MYCBP2: variants seen among roughly 807,000 people sequenced by gnomAD.
MYCBP2 encodes MYC binding protein 2.
In MYCBP2, 120 loss-of-function variants were observed where a neutral mutation model predicts 525.3. The ratio of observed to expected loss-of-function variants is 0.23; its 90% CI spans 0.20 to 0.27. The LOEUF (loss-of-function observed/expected upper bound fraction) is 0.27. Among genes scored for constraint, MYCBP2 ranks in the 10% least tolerant of loss-of-function variants. The pLI is 1.00. For missense variants in MYCBP2, 4,149 were observed against 5,657.1 expected (o/e 0.73, Z 8.55); for synonymous variants, 1,894 against 1,955.8 (o/e 0.97, Z 0.83).
chr13:77,232,041 A>C (rs1445972939), intron 18 of MYCBP2, among the ~76,000 whole-genome samples: 1 of 152,208 alleles, frequency 6.6e-6, no homozygotes, highest in Non-Finnish European at 1.5e-5. Context: ...TCTGCAGAGT[A>C]TATCTTAAGT....
At chr13:77,230,156 A>G (rs2066929278) in intron 18 of MYCBP2, among the ~76,000 whole-genome samples, 1 of 152,090 alleles carries the variant, frequency 6.6e-6, no homozygotes, top group South Asian at 2.1e-4. Context: ...CCTTCTCTGA[A>G]TTTTCTCCAA....
At chr13:77,052,039 C>T in intron 80 of MYCBP2, 121 bp from the exon 81 acceptor site, 1 of 718,414 alleles carries the variant, frequency 1.4e-6, no homozygotes, top group South Asian at 1.9e-5. Context: ...ATCTACTAGA[C>T]CATCCCTTGA....
Position 77,097,741 on chromosome 13 carries a change from G to A in MYCBP2, c.9413C>T (p.Thr3138Ile), listed in dbSNP as rs1330553538. ...CATGGACATTTCAAAAGTGGTCTCG[G>A]TTTTCCCATCCTCACATTTTTCATG... ...PLHEKCEDGK[T>I]ETTFEMSMHN... is the part of the protein sequence containing the mutation. The change falls in exon 56 of 83, where the codon ACC becomes ATC. Residue 3138 changes from threonine (T) to isoleucine (I), a missense_variant. Thr to Ile is a moderately conservative substitution (Grantham distance 89). Coordinates refer to ENST00000544440, the MANE Select transcript of MYCBP2 (RefSeq NM_015057.5). 6.2e-7 allele frequency: 1 copy of A among 1,613,542 alleles called. No homozygotes were observed. The highest frequency in any genetic ancestry group is 2.2e-5 in the East Asian group (1 of 44,844).
intron 52 of MYCBP2, among the ~76,000 whole-genome samples, chr13:77,127,751 A>T (rs1181665385): frequency 6.6e-6 from 1 of 151,926 alleles, no homozygotes; most frequent in Non-Finnish European, 1.5e-5. Context: ...ACAGTAGAAT[A>T]TTAAAAATAG....
chr13:77,278,782 G>T lies in MYCBP2; in HGVS notation c.724C>A (p.Gln242Lys). 3.8e-6 allele frequency: 6 copies of T among 1,571,446 alleles called. No individual in the cohort carries two copies. The highest frequency in any genetic ancestry group is 5.2e-6 in the Non-Finnish European group (6 of 1,161,472). Residue 242 changes from glutamine (Q) to lysine (K), a missense_variant, in exon 4 of 83, where the codon CAG becomes AAG. Gln to Lys is a moderately conservative substitution (Grantham distance 53, BLOSUM62 1). Around this residue, in one of 21 missense-constraint regions of MYCBP2, gnomAD observed 413 missense variants for 451.2 expected, o/e 0.92. Coordinates refer to ENST00000544440, the MANE Select transcript of MYCBP2 (RefSeq NM_015057.5). The part of the protein sequence containing the change: ...VLQGQQPEGL[Q>K]SEPPEVLESL... ...CCTAGGACCTCAGGTGGCTCAGACT[G>T]GAGGCCTTCTGGCTGCTGGCCCTGC...
intron 72 of MYCBP2, 30 bp downstream of exon 72, chr13:77,065,962 C>T (rs1483964434): frequency 6.4e-7 from 1 of 1,560,484 alleles, no homozygotes; most frequent in Admixed American, 1.8e-5. Context: ...TGCCGCACTT[C>T]ACTGCCAAAA....
chr13:77,098,539 T>C lies in MYCBP2; in HGVS notation c.8615A>G (p.Asp2872Gly). 2 of 1,613,576 alleles carry C rather than the reference T, an allele frequency of 1.2e-6. No homozygotes were observed. The highest frequency in any genetic ancestry group is 1.7e-6 in the Non-Finnish European group (2 of 1,179,766). The change falls in exon 56 of 83, where the codon GAC becomes GGC. Residue 2872 changes from aspartate (D) to glycine (G), a missense_variant. By Grantham distance (94) the Asp-to-Gly change is moderately conservative. This residue lies in a region of MYCBP2 where 653 missense variants were observed against 744.7 expected (regional missense o/e 0.88). Transcript: ENST00000544440. ...GGTATCTGGATCAAGTGTGTAAGAG[T>C]CTGATTTAGAACGTTCCCGAGGAGG... ...LDPPRERSKSDSYTLDPDTLR... is the reference protein window; with the variant it reads ...LDPPRERSKSGSYTLDPDTLR...
chr13:77,083,318 AC>A, intron 62 of MYCBP2, 126 bp from the exon 63 acceptor site: 1 of 785,304 alleles, frequency 1.3e-6, no homozygotes, highest in Non-Finnish European at 1.9e-6. Context: ...ACCAAATTGT[AC>A]CCAGAAAGAT....
chr13:77,139,535 T>C (rs574686505), intron 51 of MYCBP2, among the ~76,000 whole-genome samples, 199 bp from the exon 52 acceptor site: 1 of 152,288 alleles, frequency 6.6e-6, no homozygotes, highest in African/African-American at 2.4e-5. Flanking sequence ...GTAATTCATG[T>C]GGCAAGACTG....
intron 29 of MYCBP2, 34 bp from the exon 30 acceptor site, chr13:77,189,081 G>C (rs767739869): frequency 6.9e-7 from 1 of 1,452,100 alleles, no homozygotes; most frequent in South Asian, 1.3e-5. Flanking sequence ...AATTATGTTA[G>C]AAAGTCCAAT....
At position 77,206,677 on chromosome 13, in the gene MYCBP2, A is replaced by T. The variant is rs1410975665; in HGVS notation, c.3565T>A (p.Ser1189Thr). The change falls in exon 24 of 83, where the codon TCT (serine) becomes ACT (threonine). Residue 1189 changes from serine (S) to threonine (T), a missense_variant. Ser to Thr is a moderately conservative substitution (Grantham distance 58). Transcript: ENST00000544440. The part of the protein sequence containing the change: ...PTGSRALTTR[S>T]HAALHILGCL... The stretch of plus-strand genomic sequence containing the variant: ...CCTAAAATGTGCAAAGCTGCATGAG[A>T]TCGGGTAGTGAGGGCCCTTGATCCT... The T allele has an allele frequency of 6.2e-7, 1 of 1,605,618 alleles. No individual in the cohort carries two copies. Among genetic ancestry groups the T allele is most frequent in the African/African-American group, 1.3e-5 (1 of 74,734 alleles).
intron 1 of MYCBP2, among the ~76,000 whole-genome samples, chr13:77,320,141 G>A (rs2081415642): frequency 6.6e-6 from 1 of 152,192 alleles, no homozygotes; most frequent in African/African-American, 2.4e-5. Flanking sequence ...TCCCTACACT[G>A]TATAGATATT....
intron 15 of MYCBP2, 106 bp downstream of exon 15, chr13:77,251,045 C>T (rs1762391953): frequency 2.3e-6 from 2 of 877,214 alleles, no homozygotes; most frequent in Non-Finnish European, 3.4e-6. Flanking sequence ...GTGAAGATGC[C>T]ACTGGTCTTT....
chr13:77,317,131 T>C (rs1358295136), intron 1 of MYCBP2, among the ~76,000 whole-genome samples: 1 of 152,134 alleles, frequency 6.6e-6, no homozygotes, highest in Non-Finnish European at 1.5e-5. Flanking sequence ...TTTGTATTTG[T>C]AGTACAAACA....
At chr13:77,250,092 G>A (rs889276870) in intron 15 of MYCBP2, among the ~76,000 whole-genome samples, 3 of 151,248 alleles carry the variant, frequency 2.0e-5, no homozygotes, top group Admixed American at 6.6e-5. Flanking sequence ...GCGTAGTGGC[G>A]GGCGCCTGTA....
At position 77,326,777 on chromosome 13, in the gene MYCBP2, C is replaced by CTCG; in HGVS notation, c.-5_-3dup. On this transcript the variant is annotated 5_prime_UTR_variant, in exon 1 of 83. Transcript: ENST00000544440. The surrounding 1 kb of genome is among the most constrained non-coding windows in gnomAD (Gnocchi z 4.2). ...GGCAGTCGCTGCGCACATCATCATCCTCGCCGCCGCCGCCGCCGCCGCCGC... is the reference window on the plus strand; with the variant it reads ...GGCAGTCGCTGCGCACATCATCATCCTCGTCGCCGCCGCCGCCGCCGCCGCCGC... 1 of 1,406,534 alleles carries CTCG rather than the reference C, an allele frequency of 7.1e-7. No individual in the cohort carries two copies. Among genetic ancestry groups the CTCG allele is most frequent in the Non-Finnish European group, 9.1e-7 (1 of 1,093,616 alleles). The allele number at this position is 1,406,534 out of a possible 1,614,324, so 87.1% of individuals were successfully genotyped here. A position where few individuals can be genotyped will look rare whatever the true frequency, so the allele number is the denominator to read the frequency against.
At chr13:77,201,421 TAGACTCCCACACATTAATAAAGGG>T (rs2062535653) in intron 26 of MYCBP2, among the ~76,000 whole-genome samples, 1 of 151,846 alleles carries the variant, frequency 6.6e-6, no homozygotes, top group Admixed American at 6.6e-5. Flanking sequence ...CAAAGAGACT[TAGACTCCCACACATTAATAAAGGG>T]AGACTTTAAC....
intron 36 of MYCBP2, 132 bp downstream of exon 36, chr13:77,176,365 T>C: frequency 1.6e-6 from 1 of 634,590 alleles, no homozygotes; most frequent in Non-Finnish European, 2.4e-6. Flanking sequence ...ACTCCATAAA[T>C]ATTTAAGTAC....
At chr13:77,111,304 G>A (rs918798336) in intron 55 of MYCBP2, among the ~76,000 whole-genome samples, 5 of 151,858 alleles carry the variant, frequency 3.3e-5, no homozygotes, top group African/African-American at 4.8e-5. Flanking sequence ...TCATCCAACC[G>A]AACTCATTTT....
Sources: gnomAD v4.1 joint callset for allele counts (sites outside exome capture counted in the v4.1 genomes callset) on GRCh38, gnomAD v4.1.1 for gene constraint, gnomAD v4.1.1 regional missense constraint, Gnocchi (gnomAD v3.1) non-coding constraint, MANE v1.5 for transcripts, NCBI Gene and HGNC (gene_info 2026-07-23, HGNC 2026-07-21) for gene names.